The following TMEM51 variants were observed in gnomAD, a reference collection of about 807,000 sequenced individuals.
TMEM51 encodes transmembrane protein 51.
TMEM51 carries 8 observed loss-of-function variants against 13.6 expected under a neutral mutation model. That is an observed-to-expected ratio of 0.59 (90% CI 0.35 to 1.07). The LOEUF is 1.07. Ranked by LOEUF, TMEM51 falls within the 50% of genes least tolerant of loss-of-function variation. The probability of loss-of-function intolerance (pLI) is 0.02; values close to 1 mark genes in which losing one functional copy is unlikely to be tolerated. For synonymous variants in TMEM51, 147 were observed against 144.4 expected, an observed-to-expected ratio of 1.02 and a Z score of -0.13; for missense variants, 279 against 330.7, an observed-to-expected ratio of 0.84 and a Z score of 1.21.
At chr1:15,154,256 C>A (rs1460793388) in intron 1 of TMEM51, among the ~76,000 whole-genome samples, 1 of 152,240 alleles carries the variant, frequency 6.6e-6, no homozygotes. Context: ...GCTATCCGCC[C>A]GGCGGGCTTC....
intron 1 of TMEM51, among the ~76,000 whole-genome samples, chr1:15,193,963 G>A (rs943356608): frequency 7.9e-5 from 12 of 152,208 alleles, no homozygotes; most frequent in African/African-American, 2.7e-4. Context: ...CCACTCTACT[G>A]CTAAGCCAAC....
At chr1:15,215,653 T>G (rs968929883) in intron 3 of TMEM51, among the ~76,000 whole-genome samples, 14 of 152,210 alleles carry the variant, frequency 9.2e-5, no homozygotes. Context: ...GGATTACAGG[T>G]AAACCAAGAT....
intron 1 of TMEM51, among the ~76,000 whole-genome samples, chr1:15,158,220 C>T (rs1284527322): frequency 6.6e-6 from 1 of 152,186 alleles, no homozygotes; most frequent in African/African-American, 2.4e-5. Flanking sequence ...GCAGGTATTC[C>T]CTTGGCCAAA....
At chr1:15,209,058 T>C (rs1293432800) in intron 1 of TMEM51, among the ~76,000 whole-genome samples, 2 of 151,948 alleles carry the variant, frequency 1.3e-5, no homozygotes, top group Non-Finnish European at 2.9e-5. Context: ...AGGTAGTGTG[T>C]GTGTGTGTTT....
chr1:15,216,579 G>T (rs533594481), intron 3 of TMEM51, among the ~76,000 whole-genome samples: 3 of 152,306 alleles, frequency 2.0e-5, no homozygotes, highest in African/African-American at 4.8e-5. Flanking sequence ...ACCATAAGGG[G>T]CAGTACTGAA....
intron 3 of TMEM51, among the ~76,000 whole-genome samples, chr1:15,216,825 G>A (rs10803366): frequency 0.15 from 22,282 of 152,096 alleles, 1,831 homozygotes; most frequent in East Asian, 0.3. Flanking sequence ...TGAGAAAAGG[G>A]GGATATAATA....
intron 1 of TMEM51, among the ~76,000 whole-genome samples, chr1:15,202,380 C>A (rs1182166923): frequency 2.0e-5 from 3 of 152,174 alleles, no homozygotes; most frequent in Non-Finnish European, 4.4e-5. Context: ...TCTGCCATAA[C>A]AAATTACCCC....
rs140728981 is a variant in TMEM51 at position 15,161,967 on chromosome 1, T to A, written c.-267+8013T>A. On this transcript the variant is annotated intron_variant, in intron 1 of 3. Transcript: ENST00000376008. This position sits in a 1 kb window ranked among gnomAD's most constrained non-coding sequence, Gnocchi z 4.0. Reference sequence around the variant, plus strand: ...AGAGGTTTATTTAGCCCATGGCATCTCAGATGCATCAGCATCTGCTTCTAG... The same window carrying A: ...AGAGGTTTATTTAGCCCATGGCATCACAGATGCATCAGCATCTGCTTCTAG... Among the ~76,000 whole-genome samples, 159 of 152,018 alleles carry A rather than the reference T, an allele frequency of 1.0e-3. 1 individual carries two copies. Among genetic ancestry groups the A allele is most frequent in the African/African-American group, 3.5e-3 (146 of 41,336 alleles).
intron 1 of TMEM51, among the ~76,000 whole-genome samples, chr1:15,198,814 A>G (rs1468774675): frequency 6.6e-6 from 1 of 152,194 alleles, no homozygotes; most frequent in Non-Finnish European, 1.5e-5. Context: ...AGGGAGAAGG[A>G]GGAAAGAGCA....
chr1:15,203,725 T>A (rs1188110545), intron 1 of TMEM51, among the ~76,000 whole-genome samples: 1 of 152,214 alleles, frequency 6.6e-6, no homozygotes, highest in Non-Finnish European at 1.5e-5. Flanking sequence ...CCATAGTAGG[T>A]GCTCAGTTAA....
At chr1:15,176,633 G>A (rs956064737) in intron 1 of TMEM51, among the ~76,000 whole-genome samples, 11 of 152,204 alleles carry the variant, frequency 7.2e-5, no homozygotes, top group African/African-American at 2.7e-4. Context: ...GTCTTCCCCT[G>A]AGAGAGAACA....
chr1:15,164,491 A>G (rs897372003), intron 1 of TMEM51: 2 of 455,938 alleles, frequency 4.4e-6, no homozygotes, highest in East Asian at 1.4e-4. Context: ...TTCTCACTGA[A>G]TCATGTTAGG....
intron 1 of TMEM51, among the ~76,000 whole-genome samples, chr1:15,156,208 C>T (rs1351711734): frequency 6.6e-6 from 1 of 152,174 alleles, no homozygotes; most frequent in African/African-American, 2.4e-5. Flanking sequence ...CTGCGACTCT[C>T]CGGCTCGCTG....
At chr1:15,203,763 C>T (rs1305417909) in intron 1 of TMEM51, among the ~76,000 whole-genome samples, 1 of 149,462 alleles carries the variant, frequency 6.7e-6, no homozygotes, top group Non-Finnish European at 1.5e-5. Context: ...GAATAAACAC[C>T]TGTAATCAAA....
intron 2 of TMEM51, among the ~76,000 whole-genome samples, chr1:15,211,142 T>C (rs4661604): frequency 0.32 from 48,142 of 152,210 alleles, 7,954 homozygotes; most frequent in Non-Finnish European, 0.37. Flanking sequence ...TAACTATAAA[T>C]ATCATAATAT....
chr1:15,196,714 A>T (rs781046606), intron 1 of TMEM51, among the ~76,000 whole-genome samples: 1 of 152,206 alleles, frequency 6.6e-6, no homozygotes, highest in Non-Finnish European at 1.5e-5. Context: ...CCAATTTTAC[A>T]TGTCATTTCA....
chr1:15,215,448 C>A lies in TMEM51; in HGVS notation c.344+17C>A. 1.3e-6 allele frequency: 2 copies of A among 1,570,454 alleles called. No individual in the cohort carries two copies. Among genetic ancestry groups the A allele is most frequent in the Non-Finnish European group, 1.7e-6 (2 of 1,161,336 alleles). The stretch of plus-strand genomic sequence containing the variant: ...GGAAGACAGGTGAGGCCTGACTGTC[C>A]CCTTCCCTCCCCGGATCGGGGATGG... On this transcript the variant is annotated intron_variant, in intron 3 of 3. Transcript: ENST00000376008.
chr1:15,160,294 G>T (rs910834671), intron 1 of TMEM51, among the ~76,000 whole-genome samples: 1 of 152,042 alleles, frequency 6.6e-6, no homozygotes, highest in Non-Finnish European at 1.5e-5. Flanking sequence ...TTTCTTTTGA[G>T]ACAGAGTGTC....
At chr1:15,182,778 G>C (rs111364308) in intron 1 of TMEM51, among the ~76,000 whole-genome samples, 5 of 152,178 alleles carry the variant, frequency 3.3e-5, no homozygotes, top group African/African-American at 1.2e-4. Context: ...TCTTCTTTTG[G>C]GGGGCACAGA....
Sources: allele counts gnomAD v4.1 joint callset (sites outside exome capture counted in the v4.1 genomes callset), GRCh38; gene constraint gnomAD v4.1.1; non-coding constraint Gnocchi (gnomAD v3.1); transcripts MANE v1.5; gene names NCBI Gene and HGNC (gene_info 2026-07-23, HGNC 2026-07-21).